The following BBS9 variants were observed in gnomAD, a reference collection of about 807,000 sequenced individuals.
The protein encoded by BBS9 is Bardet-Biedl syndrome 9.
A neutral mutation model predicts 117.7 loss-of-function variants in BBS9; 89 were observed. The ratio of observed to expected loss-of-function variants is 0.76; its 90% CI spans 0.64 to 0.90. The LOEUF (loss-of-function observed/expected upper bound fraction) is 0.90. Among genes scored for constraint, BBS9 ranks in the 40% least tolerant of loss-of-function variants. The pLI, the probability that BBS9 is intolerant of heterozygous loss-of-function variation, is 0.00. For missense variants in BBS9, 982 were observed against 1,042.2 expected, an observed-to-expected ratio of 0.94 and a Z score of 0.80; for synonymous variants, 379 against 370.9, an observed-to-expected ratio of 1.02 and a Z score of -0.25.
At chr7:33,238,780 ATTAAT>A (rs775611603) in intron 5 of BBS9, among the ~76,000 whole-genome samples, 69 of 152,240 alleles carry the variant, frequency 4.5e-4, no homozygotes, top group Non-Finnish European at 9.1e-4. Context: ...TATTGTATTT[ATTAAT>A]TTAAAGTCCT....
intron 1 of BBS9, among the ~76,000 whole-genome samples, chr7:33,144,801 A>G (rs1158965129): frequency 2.0e-5 from 3 of 152,212 alleles, no homozygotes; most frequent in Non-Finnish European, 4.4e-5. Flanking sequence ...ATACACATTC[A>G]ATAGAAACCA....
At chr7:33,622,149 G>C (rs1183248185) in intron 21 of BBS9, among the ~76,000 whole-genome samples, 2 of 152,152 alleles carry the variant, frequency 1.3e-5, no homozygotes, top group African/African-American at 4.8e-5. Context: ...GGCAGAGGTT[G>C]CAGTGAGCTG....
At chr7:33,417,152 T>C (rs1832142739) in intron 19 of BBS9, among the ~76,000 whole-genome samples, 1 of 152,232 alleles carries the variant, frequency 6.6e-6, no homozygotes, top group Non-Finnish European at 1.5e-5. Context: ...TTTTAAACTT[T>C]TATTGTGAAT....
intron 21 of BBS9, among the ~76,000 whole-genome samples, chr7:33,562,751 C>T (rs778541669): frequency 6.6e-6 from 1 of 152,084 alleles, no homozygotes; most frequent in Non-Finnish European, 1.5e-5. Flanking sequence ...TGGTGAAACC[C>T]CGTCTCTACT....
chr7:33,439,807 G>T (rs560440880), intron 19 of BBS9, among the ~76,000 whole-genome samples: 2 of 152,276 alleles, frequency 1.3e-5, no homozygotes, highest in South Asian at 4.1e-4. Flanking sequence ...GATTACAGGC[G>T]TGAGCCACTG....
intron 19 of BBS9, among the ~76,000 whole-genome samples, chr7:33,414,297 G>A (rs1237991675): frequency 6.6e-6 from 1 of 152,190 alleles, no homozygotes; most frequent in Non-Finnish European, 1.5e-5. Context: ...GATTAAATGA[G>A]TTTAAATTCT....
rs1260167439 is a variant in BBS9, at chr7:33,364,197, C to T, written c.1694-3570C>T. ...TCTCCTGACCTCGTGATCCGCCCGC[C>T]TCGGCCTCCCAAAGTGCTGGGATTA... On this transcript the variant is annotated intron_variant, in intron 16 of 22. Coordinates refer to ENST00000242067, the MANE Select transcript of BBS9 (RefSeq NM_198428.3). Among the ~76,000 whole-genome samples, 8 of 141,504 alleles carry T rather than the reference C, an allele frequency of 5.7e-5. 2 individuals are homozygous for T. The highest frequency in any genetic ancestry group is 2.1e-4 in the African/African-American group (8 of 37,300). 92.8% of individuals were successfully genotyped at this position (141,504 alleles called of 152,430 possible). A position where few individuals can be genotyped will look rare whatever the true frequency, so the allele number is the denominator to read the frequency against.
At chr7:33,478,533 A>G (rs933415528) in intron 19 of BBS9, among the ~76,000 whole-genome samples, 4 of 152,182 alleles carry the variant, frequency 2.6e-5, no homozygotes, top group African/African-American at 7.2e-5. Flanking sequence ...AAAAGTAGGC[A>G]TTTCAAATAT....
chr7:33,210,568 C>T (rs569113695), intron 5 of BBS9, among the ~76,000 whole-genome samples: 32 of 152,194 alleles, frequency 2.1e-4, no homozygotes, highest in South Asian at 1.0e-3. Flanking sequence ...GACAGAGTCT[C>T]GCACTGTCAC....
At position 33,413,377 on chromosome 7, in the gene BBS9, T is replaced by C. The variant is rs185167106; in HGVS notation, c.2115+25233T>C. ...TTAAATAAAGATTATTTTCTTAAGA[T>C]AGGTTTCTACAATGGTAATTACAAA... On this transcript the variant is annotated intron_variant, in intron 19 of 22. Coordinates refer to ENST00000242067, the MANE Select transcript of BBS9 (RefSeq NM_198428.3). Among the ~76,000 whole-genome samples, 301 of 152,342 alleles carry C rather than the reference T, an allele frequency of 2.0e-3. 6 individuals are homozygous for C. In the South Asian group the frequency reaches 0.038, roughly 19 times the overall value.
chr7:33,240,311 G>A (rs2128281683), intron 5 of BBS9, among the ~76,000 whole-genome samples: 2 of 150,238 alleles, frequency 1.3e-5, no homozygotes, highest in South Asian at 2.1e-4. Context: ...ATAGTGGAGT[G>A]CAGTGCCATG....
intron 9 of BBS9, among the ~76,000 whole-genome samples, chr7:33,277,728 A>G (rs1801023711): frequency 1.3e-5 from 2 of 152,138 alleles, no homozygotes; most frequent in African/African-American, 4.8e-5. Flanking sequence ...ATCCTGTTGC[A>G]TGCTGAATCA....
intron 20 of BBS9, among the ~76,000 whole-genome samples, chr7:33,517,362 C>G (rs574239265): frequency 5.9e-5 from 9 of 152,330 alleles, no homozygotes; most frequent in Admixed American, 5.9e-4. Context: ...TCCACCTGCT[C>G]AACACCTGCA....
chr7:33,538,854 A>G (rs1400487530), intron 21 of BBS9, among the ~76,000 whole-genome samples: 2 of 151,654 alleles, frequency 1.3e-5, no homozygotes, highest in Admixed American at 6.6e-5. Flanking sequence ...TATGGGTTCC[A>G]TAGCTAGGTT....
At chr7:33,415,515 A>G (rs1323748517) in intron 19 of BBS9, among the ~76,000 whole-genome samples, 2 of 152,210 alleles carry the variant, frequency 1.3e-5, no homozygotes, top group East Asian at 1.9e-4. Context: ...TAACCACACT[A>G]TAAATTCACA....
chr7:33,365,165 G>A (rs772398708), intron 16 of BBS9, among the ~76,000 whole-genome samples: 15 of 150,878 alleles, frequency 9.9e-5, no homozygotes, highest in Non-Finnish European at 1.9e-4. Context: ...ACCTGTAGAT[G>A]TCCATTTCTT....
chr7:33,345,161 T>G (rs2128648451), intron 12 of BBS9, among the ~76,000 whole-genome samples: 1 of 152,326 alleles, frequency 6.6e-6, no homozygotes, highest in African/African-American at 2.4e-5. Flanking sequence ...TGCCACAAAG[T>G]TAGAATGGTA....
intron 17 of BBS9, among the ~76,000 whole-genome samples, chr7:33,381,123 T>C (rs940158343): frequency 1.3e-5 from 2 of 152,228 alleles, no homozygotes; most frequent in Non-Finnish European, 2.9e-5. Flanking sequence ...TCTATCATTG[T>C]TAATATAGTT....
chr7:33,273,910 A>G lies in BBS9; in HGVS notation c.970A>G (p.Thr324Ala). ...IYQDVTLKWA[T>A]QLPHIPVAVR... ...TCAAGATGTGACACTGAAGTGGGCC[A>G]CCCAACTTCCCCACATTCCTGTAGC... Residue 324 changes from threonine (T) to alanine (A), a missense_variant, in exon 9 of 23, where the codon ACC becomes GCC. Coordinates refer to ENST00000242067, the MANE Select transcript of BBS9 (RefSeq NM_198428.3). The G allele has an allele frequency of 6.2e-7, 1 of 1,613,470 alleles. No homozygotes were observed. Among genetic ancestry groups the G allele is most frequent in the Non-Finnish European group, 8.5e-7 (1 of 1,179,526 alleles).
Sources: allele counts gnomAD v4.1 joint callset (sites outside exome capture counted in the v4.1 genomes callset), GRCh38; gene constraint gnomAD v4.1.1; transcripts MANE v1.5; gene names NCBI Gene and HGNC (gene_info 2026-07-23, HGNC 2026-07-21).